Variants in ABHD3 observed in about 807,000 individuals in gnomAD.
ABHD3 encodes the protein phospholipase ABHD3.
ABHD3 carries 46 observed loss-of-function variants against 48.8 expected under a neutral mutation model. That is an observed-to-expected ratio of 0.94 (90% CI 0.74 to 1.20). The LOEUF (loss-of-function observed/expected upper bound fraction) is 1.20. Ranked by LOEUF, ABHD3 falls within the 50% of genes most tolerant of loss-of-function variation. ABHD3 has a pLI of 0.00. For missense variants in ABHD3, 490 were observed against 497.8 expected, an observed-to-expected ratio of 0.98 and a Z score of 0.15; for synonymous variants, 192 against 183.7, an observed-to-expected ratio of 1.04 and a Z score of -0.36.
At chr18:21,665,380 T>C (rs761246698) in intron 4 of ABHD3, among the ~76,000 whole-genome samples, 1 of 151,816 alleles carries the variant, frequency 6.6e-6, no homozygotes, top group African/African-American at 2.4e-5. Flanking sequence ...GCTGGGACTA[T>C]AGGCATGCAC....
intron 3 of ABHD3, among the ~76,000 whole-genome samples, chr18:21,698,187 T>C (rs62090804): frequency 6.8e-6 from 1 of 147,496 alleles, no homozygotes; most frequent in South Asian, 2.2e-4. Context: ...TTATAAAACA[T>C]TTTCTTTTTT....
chr18:21,695,872 G>A (rs2040358408), intron 3 of ABHD3, among the ~76,000 whole-genome samples: 1 of 152,100 alleles, frequency 6.6e-6, no homozygotes, highest in Non-Finnish European at 1.5e-5. Context: ...TAGACTGTAT[G>A]CTCTTTGGGA....
chr18:21,703,874 G>A, intron 1 of ABHD3, 127 bp from the exon 2 acceptor site: 1 of 1,029,510 alleles, frequency 9.7e-7, no homozygotes, highest in Non-Finnish European at 1.4e-6. Context: ...CTGGAGGGCT[G>A]ACGCAAAAAA....
At chr18:21,686,218 C>A (rs1185222154) in intron 3 of ABHD3, among the ~76,000 whole-genome samples, 1 of 152,182 alleles carries the variant, frequency 6.6e-6, no homozygotes, top group Non-Finnish European at 1.5e-5. Flanking sequence ...TCTTTTCTTG[C>A]TAAAAACAAT....
At chr18:21,682,744 C>G (rs930213945) in intron 4 of ABHD3, among the ~76,000 whole-genome samples, 3 of 152,206 alleles carry the variant, frequency 2.0e-5, no homozygotes, top group Non-Finnish European at 2.9e-5. Context: ...TCTTCCCCCC[C>G]GGCTTTGTGT....
intron 4 of ABHD3, among the ~76,000 whole-genome samples, chr18:21,677,361 ATT>A (rs564576359): frequency 1.8e-4 from 25 of 139,574 alleles, no homozygotes; most frequent in Admixed American, 2.9e-4. Context: ...CGCCTGGCAA[ATT>A]TTTTTTTTTT....
rs768303347 is a variant in ABHD3 at position 21,703,685 on chromosome 18, C to T, written c.225G>A (p.Val75=). 1 of 1,614,090 alleles carries T rather than the reference C, an allele frequency of 6.2e-7. No homozygotes were observed. The highest frequency in any genetic ancestry group is 1.6e-4 in the Middle Eastern group (1 of 6,062). ...CCGTCGGGTAGTACGTTTCTGTAAC[C>T]ACGGGACAGTGGTCTTGAAGGAAGC... ...FSRFLQDHCP[V]VTETYYPTVW... is the part of the protein sequence containing the mutation. The change falls in exon 2 of 9, where the codon GTG becomes GTA. Residue 75 remains valine, a synonymous_variant. Coordinates refer to ENST00000289119, the MANE Select transcript of ABHD3 (RefSeq NM_138340.5).
intron 4 of ABHD3, 161 bp from the exon 5 acceptor site, chr18:21,664,391 C>T (rs919369587): frequency 1.8e-5 from 12 of 649,478 alleles, no homozygotes; most frequent in African/African-American, 9.3e-5. Flanking sequence ...TGTCTTGCAG[C>T]GCACATACAT....
At chr18:21,694,202 G>C (rs1042476339) in intron 3 of ABHD3, among the ~76,000 whole-genome samples, 2 of 151,974 alleles carry the variant, frequency 1.3e-5, no homozygotes, top group African/African-American at 4.8e-5. Context: ...TCTGCCTCCT[G>C]GGTTGCAGTG....
chr18:21,698,512 G>A (rs1439474373), intron 3 of ABHD3, among the ~76,000 whole-genome samples: 1 of 151,692 alleles, frequency 6.6e-6, no homozygotes, highest in African/African-American at 2.4e-5. Context: ...ACCCTGGCCA[G>A]GGAATAGATG....
At chr18:21,676,189 C>G (rs1005832853) in intron 4 of ABHD3, among the ~76,000 whole-genome samples, 1 of 152,154 alleles carries the variant, frequency 6.6e-6, no homozygotes, top group Non-Finnish European at 1.5e-5. Flanking sequence ...TATTTTATAG[C>G]CATCATGATG....
At chr18:21,687,767 T>A (rs2040160284) in intron 3 of ABHD3, among the ~76,000 whole-genome samples, 2 of 152,156 alleles carry the variant, frequency 1.3e-5, no homozygotes, top group African/African-American at 4.8e-5. Flanking sequence ...TGTCCTTTAA[T>A]GAAGGTTAAA....
chr18:21,663,742 C>T, intron 5 of ABHD3: 3 of 1,535,542 alleles, frequency 2.0e-6, no homozygotes, highest in Non-Finnish European at 1.7e-6. Context: ...ATTTCTGTAA[C>T]TGGAGTGATG....
chr18:21,673,994 A>G (rs983117947), intron 4 of ABHD3, among the ~76,000 whole-genome samples: 1 of 152,082 alleles, frequency 6.6e-6, no homozygotes, highest in East Asian at 1.9e-4. Flanking sequence ...GTAGGGTGAG[A>G]GCTAAGCCAA....
At chr18:21,661,536 C>G (rs955567235) in intron 5 of ABHD3, among the ~76,000 whole-genome samples, 2 of 151,900 alleles carry the variant, frequency 1.3e-5, no homozygotes, top group Non-Finnish European at 2.9e-5. Flanking sequence ...GAGGCTGAAG[C>G]AGGAGAATCA....
intron 4 of ABHD3, among the ~76,000 whole-genome samples, chr18:21,674,733 A>T (rs1181815758): frequency 2.0e-5 from 3 of 152,182 alleles, no homozygotes; most frequent in Non-Finnish European, 4.4e-5. Flanking sequence ...GAAAGGGCCG[A>T]CTTGGGTGCA....
rs542361834 is a variant in ABHD3, at chr18:21,654,461, C to A, written c.1057+2400G>T. Among the ~76,000 whole-genome samples, 16 of 152,246 alleles carry A rather than the reference C, an allele frequency of 1.1e-4. No individual in the cohort carries two copies. In the South Asian group the frequency reaches 3.1e-3, roughly 30 times the overall value. On this transcript the variant is annotated intron_variant, in intron 8 of 8. Transcript: ENST00000289119. ...ATAAACCGATAGCCCTAAAGCAAGG[C>A]TCAACAAGCTAAGTTCTTATCAAAA...
At chr18:21,684,959 A>G (rs1256520082) in intron 3 of ABHD3, among the ~76,000 whole-genome samples, 2 of 152,244 alleles carry the variant, frequency 1.3e-5, no homozygotes, top group Non-Finnish European at 2.9e-5. Flanking sequence ...GGCTCAAGTA[A>G]GTACTCGGTG....
chr18:21,663,320 T>G (rs1052413115), intron 5 of ABHD3, among the ~76,000 whole-genome samples: 2 of 152,078 alleles, frequency 1.3e-5, no homozygotes, highest in Non-Finnish European at 2.9e-5. Context: ...TATAAAATTA[T>G]GAAAAAATAT....
Sources: gnomAD v4.1 joint callset for allele counts (sites outside exome capture counted in the v4.1 genomes callset) on GRCh38, gnomAD v4.1.1 for gene constraint, MANE v1.5 for transcripts, NCBI Gene and HGNC (gene_info 2026-07-23, HGNC 2026-07-21) for gene names.